The following TMEM267 variants were observed in gnomAD, a reference collection of about 807,000 sequenced individuals.
TMEM267 encodes the protein transmembrane protein 267.
A neutral mutation model predicts 19.3 loss-of-function variants in TMEM267; 20 were observed. The ratio of observed to expected loss-of-function variants is 1.04; its 90% CI spans 0.73 to 1.51. TMEM267 has a LOEUF of 1.51. Ranked by LOEUF, TMEM267 falls within the 40% of genes most tolerant of loss-of-function variation. The pLI is 0.00. For missense variants in TMEM267, 242 were observed against 261.9 expected, an observed-to-expected ratio of 0.92 and a Z score of 0.52; for synonymous variants, 88 against 90.3, an observed-to-expected ratio of 0.97 and a Z score of 0.15.
At chr5:43,466,925 G>A (rs540271700) in intron 1 of TMEM267, among the ~76,000 whole-genome samples, 4 of 152,120 alleles carry the variant, frequency 2.6e-5, no homozygotes, top group South Asian at 2.1e-4. Flanking sequence ...AAGGTGAGTC[G>A]ATCATTTGAG....
chr5:43,473,781 A>G (rs917892218), intron 1 of TMEM267, among the ~76,000 whole-genome samples: 11 of 152,166 alleles, frequency 7.2e-5, no homozygotes, highest in Non-Finnish European at 1.2e-4. Context: ...ACATGGAACC[A>G]AAAAACAGCA....
intron 2 of TMEM267, among the ~76,000 whole-genome samples, chr5:43,452,092 A>AAAAG (rs1279786709): frequency 4.6e-5 from 7 of 151,306 alleles, no homozygotes; most frequent in African/African-American, 1.7e-4. Context: ...AAAAAAAAAA[A>AAAAG]AAAGAAAGAA....
upstream of TMEM267, chr5:43,484,124 G>A (rs1744984547): frequency 6.6e-6 from 1 of 152,230 alleles, no homozygotes; most frequent in South Asian, 2.1e-4. Context: ...TCAAACCTGA[G>A]GATTCGTTTT....
chr5:43,446,946 T>G (rs1742278127), intron 2 of TMEM267, among the ~76,000 whole-genome samples: 1 of 152,084 alleles, frequency 6.6e-6, no homozygotes, highest in African/African-American at 2.4e-5. Context: ...AATAAAATAT[T>G]CTTTAGTTAA....
chr5:43,448,180 C>T (rs1183073967), intron 2 of TMEM267, among the ~76,000 whole-genome samples: 1 of 152,186 alleles, frequency 6.6e-6, no homozygotes, highest in African/African-American at 2.4e-5. Context: ...TTACCTCTCA[C>T]CTACGGTCTG....
At chr5:43,458,873 C>T (rs1455511218) in intron 1 of TMEM267, among the ~76,000 whole-genome samples, 2 of 151,472 alleles carry the variant, frequency 1.3e-5, no homozygotes, top group African/African-American at 4.9e-5. Flanking sequence ...TTTCAAACAT[C>T]AAAATTAGTA....
In TMEM267 at chr5:43,446,031, AGAGAG is replaced by A. The variant is rs1345170343; in HGVS notation, c.*186_*190del. The A allele has an allele frequency of 4.9e-6, 2 of 408,804 alleles. No individual in the cohort carries two copies. The highest frequency in any genetic ancestry group is 4.1e-5 in the African/African-American group (2 of 48,914). The allele number at this position is 408,804 out of a possible 1,614,324, so 25.3% of individuals were successfully genotyped here. On this transcript the variant is annotated 3_prime_UTR_variant, in exon 3 of 3. Coordinates refer to ENST00000397080, the MANE Select transcript of TMEM267 (RefSeq NM_022483.5). ...AATATTGCACTAGAGTTGTCATAGA[AGAGAG>A]AAGTAGAATAATAACAAGTATAATT...
Position 43,446,049 on chromosome 5 carries a change from A to T in TMEM267, c.*173T>A. The stretch of plus-strand genomic sequence containing the variant: ...TCATAGAAGAGAGAAGTAGAATAAT[A>T]ACAAGTATAATTTTTAAAAAAGTTG... On this transcript the variant is annotated 3_prime_UTR_variant, in exon 3 of 3. Transcript: ENST00000397080. 2.2e-6 allele frequency: 1 copy of T among 458,622 alleles called. No individual in the cohort carries two copies. The highest frequency in any genetic ancestry group is 3.8e-6 in the Non-Finnish European group (1 of 260,552). 28.4% of individuals were successfully genotyped at this position (458,622 alleles called of 1,614,324 possible). A position where few individuals can be genotyped will look rare whatever the true frequency, so the allele number is the denominator to read the frequency against.
rs117097692 is a variant in TMEM267 at position 43,445,999 on chromosome 5, A to G, written c.*223T>C. On this transcript the variant is annotated 3_prime_UTR_variant, in exon 3 of 3. Transcript: ENST00000397080. ...GTAAAAATATATTGTGGAATAAATG[A>G]AACTCTAATATTGCACTAGAGTTGT... 284 of 289,372 alleles carry G rather than the reference A, an allele frequency of 9.8e-4. 6 individuals are homozygous for G. In the East Asian group the frequency reaches 0.015, roughly 16 times the overall value. 17.9% of individuals were successfully genotyped at this position (289,372 alleles called of 1,614,324 possible). A position where few individuals can be genotyped will look rare whatever the true frequency, so the allele number is the denominator to read the frequency against.
intron 1 of TMEM267, among the ~76,000 whole-genome samples, chr5:43,481,737 A>C (rs1744784453): frequency 6.6e-6 from 1 of 152,136 alleles, no homozygotes; most frequent in African/African-American, 2.4e-5. Context: ...AGATGTCCGC[A>C]GCCACTGCCG....
chr5:43,480,517 C>T (rs1335685059), intron 1 of TMEM267, among the ~76,000 whole-genome samples: 1 of 151,174 alleles, frequency 6.6e-6, no homozygotes, highest in Non-Finnish European at 1.5e-5. Context: ...GAGACAGGGT[C>T]CCTCTATGTT....
chr5:43,464,869 T>G (rs1276201304), intron 1 of TMEM267, among the ~76,000 whole-genome samples: 3 of 152,066 alleles, frequency 2.0e-5, no homozygotes, highest in East Asian at 1.9e-4. Flanking sequence ...GAAAACCTAG[T>G]CAATACCATT....
chr5:43,452,068 A>G (rs1476416147), intron 2 of TMEM267, among the ~76,000 whole-genome samples: 1 of 119,920 alleles, frequency 8.3e-6, no homozygotes, highest in Non-Finnish European at 1.7e-5. Context: ...TCACAGCAAG[A>G]CCCTATCTCA....
At chr5:43,459,936 A>ATG (rs1743160153) in intron 1 of TMEM267, among the ~76,000 whole-genome samples, 1 of 152,190 alleles carries the variant, frequency 6.6e-6, no homozygotes, top group Non-Finnish European at 1.5e-5. Context: ...ATTGTAATAT[A>ATG]TAATTAAATA....
At chr5:43,479,929 G>T (rs1321852911) in intron 1 of TMEM267, 2 of 422,412 alleles carry the variant, frequency 4.7e-6, no homozygotes, top group Admixed American at 2.9e-5. Context: ...TAAACCTCAG[G>T]ATTTACAGTG....
chr5:43,455,081 A>T (rs1056558201), intron 1 of TMEM267, among the ~76,000 whole-genome samples: 1 of 152,222 alleles, frequency 6.6e-6, no homozygotes, highest in Non-Finnish European at 1.5e-5. Context: ...TGAAAAACAG[A>T]AACTAAGTTG....
intron 1 of TMEM267, among the ~76,000 whole-genome samples, chr5:43,470,827 T>C (rs955116514): frequency 2.0e-5 from 3 of 152,166 alleles, no homozygotes; most frequent in Non-Finnish European, 2.9e-5. Flanking sequence ...GATATGATCT[T>C]ATATTTGGAA....
chr5:43,460,393 C>A (rs999980429), intron 1 of TMEM267, among the ~76,000 whole-genome samples: 3 of 151,982 alleles, frequency 2.0e-5, no homozygotes, highest in African/African-American at 7.3e-5. Flanking sequence ...GGAGGCAGAG[C>A]AAAATAGCAG....
intron 1 of TMEM267, among the ~76,000 whole-genome samples, chr5:43,481,630 T>C (rs1047540721): frequency 6.6e-5 from 10 of 152,086 alleles, no homozygotes; most frequent in Non-Finnish European, 1.5e-4. Flanking sequence ...GAATGCATTT[T>C]ACCAATGGAA....
Sources: gnomAD v4.1 joint callset for allele counts (sites outside exome capture counted in the v4.1 genomes callset) on GRCh38, gnomAD v4.1.1 for gene constraint, MANE v1.5 for transcripts, NCBI Gene and HGNC (gene_info 2026-07-23, HGNC 2026-07-21) for gene names.